The following TRAK1 variants were observed in gnomAD, a reference collection of about 807,000 sequenced individuals.
The protein encoded by TRAK1 is trafficking kinesin-binding protein 1.
In TRAK1, 33 loss-of-function variants were observed where a neutral mutation model predicts 92.1. The observed-to-expected ratio is 0.36, with a 90% CI of 0.27 to 0.48. The LOEUF (loss-of-function observed/expected upper bound fraction) is 0.48, where lower values mean the gene tolerates loss of function less well. TRAK1 is among the 20% of genes least tolerant of loss of function. The pLI, the probability that TRAK1 is intolerant of heterozygous loss-of-function variation, is 0.99. For missense variants in TRAK1, 1,123 were observed against 1,257.9 expected (o/e 0.89, Z 1.62); for synonymous variants, 521 against 517.3 (o/e 1.01, Z -0.10).
At position 42,023,086 on chromosome 3, in the gene TRAK1, A is replaced by C. The variant is rs939181823; in HGVS notation, c.-519+8969A>C. Among the ~76,000 whole-genome samples the C allele has an allele frequency of 2.9e-5, 4 of 140,186 alleles. No individual in the cohort carries two copies. The Admixed American group carries it at 3.0e-4, about 11-fold the overall frequency. 92.0% of individuals were successfully genotyped at this position (140,186 alleles called of 152,430 possible). On this transcript the variant is annotated intron_variant, in intron 1 of 16. Coordinates refer to the TRAK1 transcript ENST00000487159. The stretch of plus-strand genomic sequence containing the variant: ...GGCAGGAGAATGGCGTGAACACGGG[A>C]GGCAGAGGTTGCAGTGAGCCGAGAT...
At chr3:42,018,239 G>A (rs1244972268) in intron 1 of TRAK1, among the ~76,000 whole-genome samples, 1 of 149,056 alleles carries the variant, frequency 6.7e-6, no homozygotes, top group East Asian at 2.0e-4. Context: ...TTGTACTCTA[G>A]CCTAGGTGAC....
intron 2 of TRAK1, among the ~76,000 whole-genome samples, chr3:42,145,376 CT>C (rs1329310336): frequency 6.6e-6 from 1 of 151,800 alleles, no homozygotes; most frequent in Non-Finnish European, 1.5e-5. Context: ...ATCCCAGCTA[CT>C]TGGGAGGCCG....
At chr3:42,121,077 T>C (rs1303808984) in intron 1 of TRAK1, among the ~76,000 whole-genome samples, 1 of 152,140 alleles carries the variant, frequency 6.6e-6, no homozygotes, top group Non-Finnish European at 1.5e-5. Flanking sequence ...CTGAGGCTGC[T>C]CCTACCTGAT....
chr3:42,108,143 T>A (rs931998720), intron 1 of TRAK1, among the ~76,000 whole-genome samples: 1 of 151,938 alleles, frequency 6.6e-6, no homozygotes, highest in Non-Finnish European at 1.5e-5. Flanking sequence ...CTAAGAAGAG[T>A]ATGGATAGCG....
At chr3:42,093,757 C>T (rs1576309844) in intron 1 of TRAK1, among the ~76,000 whole-genome samples, 1 of 138,456 alleles carries the variant, frequency 7.2e-6, no homozygotes, top group African/African-American at 2.7e-5. Flanking sequence ...GGCTGGAGTG[C>T]AGTGGCATGA....
At chr3:42,142,680 C>T (rs1263870536) in intron 2 of TRAK1, among the ~76,000 whole-genome samples, 1 of 152,246 alleles carries the variant, frequency 6.6e-6, no homozygotes, top group Non-Finnish European at 1.5e-5. Flanking sequence ...ACCTCTGCTG[C>T]TTCCTAAAAT....
At chr3:42,138,589 C>G (rs1406027872) in intron 2 of TRAK1, among the ~76,000 whole-genome samples, 1 of 151,728 alleles carries the variant, frequency 6.6e-6, no homozygotes. Context: ...CTAAGTGAAA[C>G]AAAAATAGAG....
At chr3:42,162,381 C>G (rs552289684) in intron 2 of TRAK1, among the ~76,000 whole-genome samples, 1 of 151,906 alleles carries the variant, frequency 6.6e-6, no homozygotes, top group Non-Finnish European at 1.5e-5. Context: ...AGTGAAATAA[C>G]AGGCACTAGA....
At chr3:42,136,994 T>C (rs958745847) in intron 2 of TRAK1, among the ~76,000 whole-genome samples, 1 of 152,156 alleles carries the variant, frequency 6.6e-6, no homozygotes, top group African/African-American at 2.4e-5. Context: ...AATATTTCTA[T>C]CACAAAAGTA....
chr3:42,173,369 CTG>C (rs1257611903), intron 2 of TRAK1, among the ~76,000 whole-genome samples: 1 of 152,134 alleles, frequency 6.6e-6, no homozygotes, highest in Admixed American at 6.5e-5. Flanking sequence ...AAAGCATAAC[CTG>C]TGTTTATGCT....
At chr3:42,095,841 T>G (rs2148990450) in intron 1 of TRAK1, among the ~76,000 whole-genome samples, 1 of 152,228 alleles carries the variant, frequency 6.6e-6, no homozygotes, top group East Asian at 1.9e-4. Flanking sequence ...TATCAGGTGG[T>G]GGAGCCTCTG....
intron 1 of TRAK1, among the ~76,000 whole-genome samples, chr3:42,056,565 T>G (rs1377395093): frequency 1.3e-5 from 2 of 152,228 alleles, no homozygotes; most frequent in Non-Finnish European, 2.9e-5. Flanking sequence ...TAAAATTATA[T>G]TGAGCAAAGT....
intron 1 of TRAK1, among the ~76,000 whole-genome samples, chr3:42,121,501 C>T (rs561413688): frequency 2.4e-4 from 37 of 152,132 alleles, no homozygotes; most frequent in Admixed American, 4.6e-4. Flanking sequence ...CCTCGTGATC[C>T]GCCCGCCTTG....
At chr3:42,036,677 G>T (rs1394572537) in intron 1 of TRAK1, among the ~76,000 whole-genome samples, 1 of 152,204 alleles carries the variant, frequency 6.6e-6, no homozygotes, top group African/African-American at 2.4e-5. Context: ...CTAGTCCTAA[G>T]AGTTACAGAC....
chr3:42,178,544 T>C (rs554341580), intron 3 of TRAK1, among the ~76,000 whole-genome samples: 1 of 152,218 alleles, frequency 6.6e-6, no homozygotes, highest in East Asian at 1.9e-4. Flanking sequence ...GTGCCCTTGC[T>C]GAGCCCCAGG....
intron 1 of TRAK1, among the ~76,000 whole-genome samples, chr3:42,113,083 T>C (rs1217939080): frequency 6.6e-6 from 1 of 152,010 alleles, no homozygotes; most frequent in East Asian, 2.0e-4. Context: ...ACAATGTCAT[T>C]TTAAAAAGTA....
At chr3:42,129,020 T>A (rs1161944779) in intron 2 of TRAK1, among the ~76,000 whole-genome samples, 1 of 152,222 alleles carries the variant, frequency 6.6e-6, no homozygotes, top group Non-Finnish European at 1.5e-5. Flanking sequence ...TTTTTCAAGT[T>A]TTAGATGGAA....
At chr3:42,158,113 A>G (rs571145615) in intron 2 of TRAK1, among the ~76,000 whole-genome samples, 1 of 152,340 alleles carries the variant, frequency 6.6e-6, no homozygotes, top group South Asian at 2.1e-4. Context: ...ATATTGTGTA[A>G]TATATAGAGT....
At chr3:42,195,548 G>A (rs1301103976) in intron 10 of TRAK1, among the ~76,000 whole-genome samples, 2 of 151,924 alleles carry the variant, frequency 1.3e-5, no homozygotes, top group Non-Finnish European at 2.9e-5. Flanking sequence ...CTTTTCCTTG[G>A]AGCTCTTTCC....
Sources: allele counts gnomAD v4.1 joint callset (sites outside exome capture counted in the v4.1 genomes callset), GRCh38; gene constraint gnomAD v4.1.1; transcripts MANE v1.5; gene names NCBI Gene and HGNC (gene_info 2026-07-23, HGNC 2026-07-21).